COL25A1: variants seen among roughly 807,000 people sequenced by gnomAD.
The protein encoded by COL25A1 is collagen alpha-1(XXV) chain.
Under a neutral mutation model 128.4 loss-of-function variants are expected in COL25A1, and 103 were observed. That is an observed-to-expected ratio of 0.80 (90% CI 0.68 to 0.94). The LOEUF (loss-of-function observed/expected upper bound fraction) is 0.94, where lower values mean the gene tolerates loss of function less well. COL25A1 is among the 40% of genes least tolerant of loss of function. The pLI is 0.00. For synonymous variants in COL25A1, 279 were observed against 277.2 expected, an observed-to-expected ratio of 1.01 and a Z score of -0.06; for missense variants, 745 against 840.0, an observed-to-expected ratio of 0.89 and a Z score of 1.40.
intron 16 of COL25A1, among the ~76,000 whole-genome samples, chr4:108,892,490 G>A (rs1741626238): frequency 6.6e-6 from 1 of 152,146 alleles, no homozygotes; most frequent in Non-Finnish European, 1.5e-5. Context: ...CTAATTGTGT[G>A]CCAGACATAT....
At chr4:109,170,752 G>T (rs1773509565) in intron 3 of COL25A1, among the ~76,000 whole-genome samples, 1 of 152,114 alleles carries the variant, frequency 6.6e-6, no homozygotes, top group Non-Finnish European at 1.5e-5. Flanking sequence ...ATCCTTTGCA[G>T]AAATAGCTTA....
intron 3 of COL25A1, among the ~76,000 whole-genome samples, chr4:109,130,157 C>G (rs974295943): frequency 6.6e-6 from 1 of 151,640 alleles, no homozygotes; most frequent in Admixed American, 6.6e-5. Flanking sequence ...TAATAAAATC[C>G]CTCTAGACTG....
intron 3 of COL25A1, among the ~76,000 whole-genome samples, chr4:109,115,715 G>T (rs992630637): frequency 4.6e-5 from 7 of 151,974 alleles, no homozygotes; most frequent in Non-Finnish European, 8.8e-5. Context: ...CCCTTCTCCA[G>T]AGGCCAGTGT....
In COL25A1 at chr4:108,948,523, C is replaced by T. The variant is rs114261257; in HGVS notation, c.493-7086G>A. Among the ~76,000 whole-genome samples the T allele has an allele frequency of 4.6e-5, 7 of 151,586 alleles. No homozygotes were observed. In the East Asian group the frequency reaches 1.2e-3, roughly 25 times the overall value. Reference sequence around the variant, plus strand: ...TACTACGTTTTCTCATAAATGTTAACCCTAGTCACCCCAGGAATTATCTTT... The same window carrying T: ...TACTACGTTTTCTCATAAATGTTAATCCTAGTCACCCCAGGAATTATCTTT... On this transcript the variant is annotated intron_variant, in intron 8 of 37. Transcript: ENST00000399132.
chr4:108,978,627 A>G (rs867606631), intron 6 of COL25A1, among the ~76,000 whole-genome samples: 1 of 152,222 alleles, frequency 6.6e-6, no homozygotes, highest in East Asian at 1.9e-4. Flanking sequence ...TTTGAATTAC[A>G]AATTATTTTT....
intron 8 of COL25A1, among the ~76,000 whole-genome samples, chr4:108,973,697 T>C (rs534604569): frequency 6.6e-6 from 1 of 152,294 alleles, no homozygotes; most frequent in South Asian, 2.1e-4. Flanking sequence ...ACAGTATGTC[T>C]GAACATTTGG....
intron 3 of COL25A1, among the ~76,000 whole-genome samples, chr4:109,088,848 G>T (rs1032679413): frequency 6.6e-6 from 1 of 152,192 alleles, no homozygotes; most frequent in African/African-American, 2.4e-5. Flanking sequence ...CTGAGTAGGA[G>T]AATAAAGACA....
intron 11 of COL25A1, among the ~76,000 whole-genome samples, chr4:108,931,901 G>A (rs1448465631): frequency 6.6e-6 from 1 of 152,190 alleles, no homozygotes; most frequent in Non-Finnish European, 1.5e-5. Flanking sequence ...TCAGATTAAG[G>A]GAGGCTGATA....
chr4:109,186,675 A>C (rs954712283), intron 3 of COL25A1, among the ~76,000 whole-genome samples: 1 of 152,218 alleles, frequency 6.6e-6, no homozygotes, highest in Non-Finnish European at 1.5e-5. Context: ...CAGGATCACT[A>C]CAAAAAGAGA....
intron 24 of COL25A1, among the ~76,000 whole-genome samples, chr4:108,854,790 G>A (rs1736275075): frequency 6.6e-6 from 1 of 152,170 alleles, no homozygotes; most frequent in Non-Finnish European, 1.5e-5. Context: ...CAACCATTGT[G>A]GAAGACAGTG....
intron 3 of COL25A1, among the ~76,000 whole-genome samples, chr4:109,269,832 C>A (rs931598021): frequency 6.6e-6 from 1 of 152,142 alleles, no homozygotes; most frequent in African/African-American, 2.4e-5. Context: ...AAAATACTGG[C>A]AAACCGAATC....
At chr4:109,261,747 G>C (rs374042157) in intron 3 of COL25A1, among the ~76,000 whole-genome samples, 26 of 151,492 alleles carry the variant, frequency 1.7e-4, no homozygotes, top group African/African-American at 6.1e-4. Context: ...ACCCAGGCTG[G>C]AGTGCAGTGG....
intron 3 of COL25A1, among the ~76,000 whole-genome samples, chr4:109,204,382 G>C (rs1233355473): frequency 6.6e-6 from 1 of 152,050 alleles, no homozygotes; most frequent in Non-Finnish European, 1.5e-5. Context: ...GAAGGAATCA[G>C]AAAAAGGCCA....
intron 16 of COL25A1, among the ~76,000 whole-genome samples, chr4:108,890,339 G>A (rs946186441): frequency 6.6e-6 from 1 of 152,182 alleles, no homozygotes; most frequent in Non-Finnish European, 1.5e-5. Context: ...TGTAACTCAG[G>A]CACCAGGAAG....
intron 8 of COL25A1, among the ~76,000 whole-genome samples, chr4:108,951,933 G>A (rs1236064943): frequency 1.3e-5 from 2 of 152,160 alleles, no homozygotes; most frequent in African/African-American, 4.8e-5. Flanking sequence ...CGTAAGTTCT[G>A]AAACACACTT....
intron 12 of COL25A1, among the ~76,000 whole-genome samples, chr4:108,919,907 C>CACA (rs1208866692): frequency 6.6e-6 from 1 of 152,062 alleles, no homozygotes; most frequent in Admixed American, 6.6e-5. Context: ...GGACTACAGG[C>CACA]GTGTGCCACC....
At chr4:109,168,308 A>G (rs1773260736) in intron 3 of COL25A1, among the ~76,000 whole-genome samples, 1 of 152,196 alleles carries the variant, frequency 6.6e-6, no homozygotes, top group African/African-American at 2.4e-5. Context: ...CATGCTCACC[A>G]TCATGGACTG....
rs577416925 is a variant in COL25A1 at position 109,301,037 on chromosome 4, G to C, written c.298-385C>G. 3.3e-5 allele frequency among the ~76,000 whole-genome samples: 5 copies of C among 152,182 alleles called. No individual in the cohort carries two copies. In the East Asian group the frequency reaches 9.7e-4, roughly 29 times the overall value. The stretch of plus-strand genomic sequence containing the variant: ...GTCAACTGCTTTATTTATCATGCTA[G>C]GCTGCAACTACTGCCAAATAGGCTC... On this transcript the variant is annotated intron_variant, in intron 2 of 37. Transcript: ENST00000399132.
chr4:109,014,231 C>T (rs944666632), intron 5 of COL25A1, among the ~76,000 whole-genome samples: 7 of 151,670 alleles, frequency 4.6e-5, no homozygotes, highest in Admixed American at 1.3e-4. Flanking sequence ...CACTTGAGTC[C>T]GGGGGGCAGA....
Sources: allele counts gnomAD v4.1 joint callset (sites outside exome capture counted in the v4.1 genomes callset), GRCh38; gene constraint gnomAD v4.1.1; transcripts MANE v1.5; gene names NCBI Gene and HGNC (gene_info 2026-07-23, HGNC 2026-07-21).